Variants in QTGAL observed in about 807,000 individuals in gnomAD.
QTGAL encodes BGnT-like protein 1.
the QTGAL span, among the ~76,000 whole-genome samples, chr17:83,007,997 G>A: frequency 7.6e-5 from 11 of 144,692 alleles, no homozygotes; most frequent in Non-Finnish European, 1.4e-4. Context: ...GCCCAGCCGC[G>A]ATGCTGCCGG....
chr17:82,959,049 GGT>G, the QTGAL span, among the ~76,000 whole-genome samples: 375 of 85,824 alleles, frequency 4.4e-3, 8 homozygotes, highest in African/African-American at 0.019. Context: ...GGGGGTGTAT[GGT>G]GTGTGTGTGT....
chr17:83,019,507 C>T, the QTGAL span, among the ~76,000 whole-genome samples: 1 of 152,116 alleles, frequency 6.6e-6, no homozygotes, highest in African/African-American at 2.4e-5. Context: ...GGGGACTGGA[C>T]GGAGACGGGT....
At chr17:83,033,162 T>C in the QTGAL span, among the ~76,000 whole-genome samples, 1 of 152,184 alleles carries the variant, frequency 6.6e-6, no homozygotes, top group Non-Finnish European at 1.5e-5. Flanking sequence ...TATAGTTGAG[T>C]GTAGACTATA....
the QTGAL span, among the ~76,000 whole-genome samples, chr17:82,979,083 G>A: frequency 1.7e-3 from 253 of 152,182 alleles, 2 homozygotes; most frequent in African/African-American, 5.9e-3. Flanking sequence ...CAAAGGAAGA[G>A]CAAAATGACA....
chr17:82,993,422 T>A, the QTGAL span, among the ~76,000 whole-genome samples: 2 of 151,924 alleles, frequency 1.3e-5, no homozygotes, highest in Admixed American at 6.6e-5. Context: ...CAAGAGAATA[T>A]AACAGTCATA....
At chr17:82,943,807 A>G in the QTGAL span, 7 of 152,254 alleles carry the variant, frequency 4.6e-5, no homozygotes, top group African/African-American at 1.7e-4. Context: ...CGAGATTTAA[A>G]TATTTTATTC....
At chr17:83,051,076 CGGGAGCGAGGCAG>C in the QTGAL span, among the ~76,000 whole-genome samples, 1 of 116,140 alleles carries the variant, frequency 8.6e-6, no homozygotes, top group African/African-American at 3.3e-5. Flanking sequence ...GTGTGGGGTG[CGGGAGCGAGGCAG>C]GTGCGCGCGG....
At chr17:82,995,569 A>G in the QTGAL span, among the ~76,000 whole-genome samples, 2 of 152,018 alleles carry the variant, frequency 1.3e-5, no homozygotes, top group African/African-American at 4.8e-5. Context: ...TTTTAAGTAG[A>G]GACGGGGTTT....
At chr17:83,006,856 G>A in the QTGAL span, 1 of 963,668 alleles carries the variant, frequency 1.0e-6, no homozygotes, top group South Asian at 4.8e-5. The surrounding 1 kb of genome is among the most constrained non-coding windows in gnomAD (Gnocchi z 5.8). Context: ...GCCCAGGAGA[G>A]CAACTGCCGG....
chr17:83,005,161 T>C, the QTGAL span: 1 of 1,610,934 alleles, frequency 6.2e-7, no homozygotes, highest in Non-Finnish European at 8.5e-7. This position sits in a 1 kb window ranked among gnomAD's most constrained non-coding sequence, Gnocchi z 5.6. Context: ...CCAACGTGTG[T>C]ATCGTTCGGT....
the QTGAL span, among the ~76,000 whole-genome samples, chr17:83,014,728 C>T: frequency 6.6e-6 from 1 of 152,210 alleles, no homozygotes; most frequent in Non-Finnish European, 1.5e-5. Flanking sequence ...GCCCCAAGAA[C>T]ATATTTTAAA....
At chr17:83,005,769 C>A in the QTGAL span, 1 of 908,770 alleles carries the variant, frequency 1.1e-6, no homozygotes, top group South Asian at 1.6e-5. This position sits in a 1 kb window ranked among gnomAD's most constrained non-coding sequence, Gnocchi z 5.6. Flanking sequence ...AGGTGACATC[C>A]TGTCAGTAGC....
the QTGAL span, among the ~76,000 whole-genome samples, chr17:82,996,801 T>C: frequency 6.6e-6 from 1 of 152,202 alleles, no homozygotes; most frequent in Admixed American, 6.5e-5. Flanking sequence ...GGGGAAGAGA[T>C]GGTCTCTTCA....
At chr17:82,958,079 C>A in the QTGAL span, among the ~76,000 whole-genome samples, 796 of 152,078 alleles carry the variant, frequency 5.2e-3, 5 homozygotes, top group African/African-American at 0.018. Context: ...CCCGCCCTCT[C>A]TCCTCCCACC....
the QTGAL span, among the ~76,000 whole-genome samples, chr17:83,048,113 G>A: frequency 6.6e-6 from 1 of 152,108 alleles, no homozygotes; most frequent in South Asian, 2.1e-4. Flanking sequence ...TGCAACCTCT[G>A]CCTCCCGGGT....
At chr17:83,035,104 G>A in the QTGAL span, 1 of 1,609,874 alleles carries the variant, frequency 6.2e-7, no homozygotes, top group Non-Finnish European at 8.5e-7. Flanking sequence ...ATCCGACTGT[G>A]GAAAAAAGAA....
At chr17:82,995,163 A>G in the QTGAL span, among the ~76,000 whole-genome samples, 7 of 152,220 alleles carry the variant, frequency 4.6e-5, no homozygotes, top group African/African-American at 1.7e-4. Context: ...ACTGTTATTC[A>G]ACATTGTACT....
chr17:82,955,286 TCAAAAA>T, the QTGAL span, among the ~76,000 whole-genome samples: 5 of 151,872 alleles, frequency 3.3e-5, no homozygotes, highest in Non-Finnish European at 5.9e-5. Flanking sequence ...AAAAACCTCA[TCAAAAA>T]GTGGGCGAAG....
At chr17:83,001,017 G>A in the QTGAL span, among the ~76,000 whole-genome samples, 2 of 152,202 alleles carry the variant, frequency 1.3e-5, no homozygotes, top group Non-Finnish European at 2.9e-5. Flanking sequence ...TCACTGTGTT[G>A]ACTGTGGTGG....
Sources: allele counts gnomAD v4.1 joint callset (sites outside exome capture counted in the v4.1 genomes callset), GRCh38; gene constraint gnomAD v4.1.1; non-coding constraint Gnocchi (gnomAD v3.1); transcripts MANE v1.5; gene names NCBI Gene and HGNC (gene_info 2026-07-23, HGNC 2026-07-21).